BRAF: variants seen among roughly 807,000 people sequenced by gnomAD.
BRAF encodes B-Raf proto-oncogene, serine/threonine kinase, also known as serine/threonine-protein kinase B-raf.
In BRAF, 16 loss-of-function variants were observed where a neutral mutation model predicts 104.6. That is an observed-to-expected ratio of 0.15 (90% CI 0.10 to 0.23). The LOEUF (loss-of-function observed/expected upper bound fraction) is 0.23. Among genes scored for constraint, BRAF ranks in the 10% least tolerant of loss-of-function variants. The pLI, the probability that BRAF is intolerant of heterozygous loss-of-function variation, is 1.00. For missense variants in BRAF, 541 were observed against 937.3 expected (o/e 0.58, Z 5.52); for synonymous variants, 310 against 341.6 (o/e 0.91, Z 1.02).
At chr7:140,754,328 G>T in intron 14 of BRAF, 95 bp from the exon 14 acceptor site, 1 of 1,028,510 alleles carries the variant, frequency 9.7e-7, no homozygotes, top group Non-Finnish European at 1.5e-6. Flanking sequence ...GACTTATTTA[G>T]AATCATGATA....
intron 1 of BRAF, among the ~76,000 whole-genome samples, chr7:140,920,818 A>G (rs1818135593): frequency 6.6e-6 from 1 of 152,244 alleles, no homozygotes; most frequent in Non-Finnish European, 1.5e-5. Context: ...GAAATACCAA[A>G]GACAAACAAC....
At chr7:140,826,845 T>A (rs1023771913) in intron 3 of BRAF, among the ~76,000 whole-genome samples, 2 of 152,206 alleles carry the variant, frequency 1.3e-5, no homozygotes, top group South Asian at 4.1e-4. Context: ...CAATATGTAG[T>A]ATTCAATCAA....
chr7:140,747,555 A>G, intron 17 of BRAF: 1 of 352,236 alleles, frequency 2.8e-6, no homozygotes, highest in Non-Finnish European at 5.0e-6. Flanking sequence ...ACTAAGATAA[A>G]CGTATTCACT....
At chr7:140,851,213 A>G (rs1031939057) in intron 1 of BRAF, among the ~76,000 whole-genome samples, 3 of 152,216 alleles carry the variant, frequency 2.0e-5, no homozygotes, top group Admixed American at 2.0e-4. Context: ...TTCTTAATAA[A>G]AAAGAAAAAC....
At chr7:140,726,955 T>C (rs547250130) in intron 19 of BRAF, among the ~76,000 whole-genome samples, 1 of 152,326 alleles carries the variant, frequency 6.6e-6, no homozygotes, top group South Asian at 2.1e-4. Context: ...TTGCTAAAGA[T>C]ACAATTAAGA....
intron 1 of BRAF, among the ~76,000 whole-genome samples, chr7:140,914,829 G>T (rs1256670965): frequency 1.3e-5 from 2 of 151,744 alleles, no homozygotes; most frequent in Non-Finnish European, 2.9e-5. Context: ...CATGAGGTCA[G>T]GAGATCGAGA....
chr7:140,788,058 G>A (rs1235192751), intron 8 of BRAF, among the ~76,000 whole-genome samples: 2 of 152,038 alleles, frequency 1.3e-5, no homozygotes, highest in African/African-American at 4.8e-5. Flanking sequence ...CGAGGTAATG[G>A]GATAATCTGT....
intron 16 of BRAF, among the ~76,000 whole-genome samples, chr7:140,752,002 T>C (rs1797830363): frequency 6.6e-6 from 1 of 152,182 alleles, no homozygotes; most frequent in African/African-American, 2.4e-5. Context: ...TTAAAAATTA[T>C]TGAGGATGAT....
intron 14 of BRAF, among the ~76,000 whole-genome samples, chr7:140,761,361 C>A (rs544344771): frequency 7.2e-5 from 11 of 152,092 alleles, no homozygotes; most frequent in African/African-American, 2.4e-4. Context: ...CACCCCCAGG[C>A]CTGCCCTAAA....
intron 14 of BRAF, chr7:140,757,970 A>G (rs936478759): frequency 6.6e-6 from 1 of 152,212 alleles, no homozygotes; most frequent in African/African-American, 2.4e-5. Context: ...TAAAATGCCT[A>G]TTGATAATAT....
chr7:140,771,858 C>T (rs909682342), intron 14 of BRAF, among the ~76,000 whole-genome samples: 6 of 151,992 alleles, frequency 3.9e-5, no homozygotes, highest in African/African-American at 1.5e-4. Flanking sequence ...ATCATTTGTG[C>T]TCAGGGTAGA....
At chr7:140,789,732 C>T (rs1471134129) in intron 8 of BRAF, among the ~76,000 whole-genome samples, 1 of 152,098 alleles carries the variant, frequency 6.6e-6, no homozygotes, top group Non-Finnish European at 1.5e-5. Context: ...CTAAGTGATA[C>T]AGGTGATAAG....
intron 14 of BRAF, among the ~76,000 whole-genome samples, chr7:140,769,595 T>C (rs1353171141): frequency 6.6e-6 from 1 of 152,274 alleles, no homozygotes; most frequent in Admixed American, 6.5e-5. Flanking sequence ...TAAAGCTTTA[T>C]GTTGATACAT....
At chr7:140,791,393 T>C (rs1801954677) in intron 8 of BRAF, among the ~76,000 whole-genome samples, 1 of 152,208 alleles carries the variant, frequency 6.6e-6, no homozygotes, top group Admixed American at 6.5e-5. Context: ...AAACCCCTTT[T>C]CTTCCTTTGG....
chr7:140,858,938 C>G (rs1014396267), intron 1 of BRAF, among the ~76,000 whole-genome samples: 57 of 151,984 alleles, frequency 3.8e-4, no homozygotes, highest in Middle Eastern at 3.2e-3. Context: ...TACAAACCAT[C>G]AGGGCTAATA....
At chr7:140,875,265 G>A (rs975896881) in intron 1 of BRAF, among the ~76,000 whole-genome samples, 8 of 152,266 alleles carry the variant, frequency 5.3e-5, no homozygotes, top group African/African-American at 1.9e-4. Flanking sequence ...TCCCAAATCT[G>A]ACAAATGACA....
chr7:140,852,925 C>T (rs1809345582), intron 1 of BRAF, among the ~76,000 whole-genome samples: 1 of 152,184 alleles, frequency 6.6e-6, no homozygotes, highest in African/African-American at 2.4e-5. Context: ...ATCCTTGACT[C>T]TTTTCTCACA....
rs1269422571 is a variant in BRAF at position 140,729,633 on chromosome 7, T to A, written c.2402-3117A>T. On this transcript the variant is annotated intron_variant, in intron 19 of 19. Transcript: ENST00000644969. ...TGTTTCTACTGGGAAAAAAAAAAAA[T>A]TACGTGTGGTGCCACATACCTGTAA... 2.0e-5 allele frequency among the ~76,000 whole-genome samples: 3 copies of A among 151,342 alleles called. No homozygotes were observed. In the East Asian group the frequency reaches 5.8e-4, roughly 29 times the overall value.
chr7:140,871,607 C>T (rs1197569822), intron 1 of BRAF, among the ~76,000 whole-genome samples: 1 of 151,966 alleles, frequency 6.6e-6, no homozygotes, highest in East Asian at 1.9e-4. Flanking sequence ...CTAAAAAAAA[C>T]CAAGAGCATA....
Sources: gnomAD v4.1 joint callset for allele counts (sites outside exome capture counted in the v4.1 genomes callset) on GRCh38, gnomAD v4.1.1 for gene constraint, MANE v1.5 for transcripts, NCBI Gene and HGNC (gene_info 2026-07-23, HGNC 2026-07-21) for gene names.